Variants in BIRC2 observed in about 807,000 individuals in gnomAD.
The protein encoded by BIRC2 is baculoviral IAP repeat-containing protein 2.
In BIRC2, 18 loss-of-function variants were observed where a neutral mutation model predicts 60.9. That is an observed-to-expected ratio of 0.30 (90% CI 0.20 to 0.44). The LOEUF (loss-of-function observed/expected upper bound fraction) is 0.44, where lower values mean the gene tolerates loss of function less well. BIRC2 is among the 20% of genes least tolerant of loss of function. The pLI is 1.00. For missense variants in BIRC2, 701 were observed against 728.5 expected, an observed-to-expected ratio of 0.96 and a Z score of 0.43; for synonymous variants, 282 against 247.7, an observed-to-expected ratio of 1.14 and a Z score of -1.30.
chr11:102,375,442 A>G (rs1335692206), intron 6 of BIRC2, among the ~76,000 whole-genome samples: 1 of 152,162 alleles, frequency 6.6e-6, no homozygotes, highest in Non-Finnish European at 1.5e-5. Context: ...GTGTAGCAAA[A>G]TATTTAAAGT....
intron 3 of BIRC2, among the ~76,000 whole-genome samples, chr11:102,351,989 G>A (rs1240383231): frequency 4.0e-5 from 6 of 151,834 alleles, no homozygotes; most frequent in Admixed American, 1.3e-4. Context: ...CGATTATACC[G>A]CTATCCATCT....
rs759513163 is a variant in BIRC2 at position 102,377,868 on chromosome 11, A to T, written c.1633A>T (p.Met545Leu). 6.2e-7 allele frequency: 1 copy of T among 1,610,798 alleles called. No individual in the cohort carries two copies. The highest frequency in any genetic ancestry group is 1.1e-5 in the South Asian group (1 of 90,012). Reference sequence around the variant, plus strand: ...TTTTCTTTCCTCAGTGGATAAGAATATGAAGTATATTCCAACAGAAGATGT... The same window carrying T: ...TTTTCTTTCCTCAGTGGATAAGAATTTGAAGTATATTCCAACAGAAGATGT... ...LYKNLFVDKN[M>L]KYIPTEDVSG... is the part of the protein sequence containing the mutation. The change falls in exon 8 of 9, where the codon ATG becomes TTG. Residue 545 changes from methionine to leucine, a missense_variant. This residue lies in a region of BIRC2 where 235 missense variants were observed against 208.9 expected (regional missense o/e 1.12). Coordinates refer to ENST00000227758, the MANE Select transcript of BIRC2 (RefSeq NM_001166.5).
chr11:102,357,076 A>G (rs1488180619), intron 3 of BIRC2, among the ~76,000 whole-genome samples: 1 of 152,142 alleles, frequency 6.6e-6, no homozygotes, highest in Non-Finnish European at 1.5e-5. Flanking sequence ...CACTTGATAT[A>G]TGATTCTTCT....
chr11:102,354,954 T>G (rs978663341), intron 3 of BIRC2, among the ~76,000 whole-genome samples: 3 of 150,898 alleles, frequency 2.0e-5, no homozygotes, highest in Non-Finnish European at 3.0e-5. Context: ...GTTTTTTTTT[T>G]TTTTTTTTTT....
In BIRC2 at chr11:102,349,941, A is replaced by G; in HGVS notation, c.87A>G (p.Ser29=). ...KSIMEDSTIL[S]DWTNSNKQKM... Reference sequence around the variant, plus strand: ...TAATGGAAGATAGCACGATCTTGTCAGATTGGACAAACAGCAACAAACAAA... The same window carrying G: ...TAATGGAAGATAGCACGATCTTGTCGGATTGGACAAACAGCAACAAACAAA... The change falls in exon 2 of 9, where the codon TCA becomes TCG. Residue 29 remains serine, a synonymous_variant. Transcript: ENST00000227758. 6.2e-7 allele frequency: 1 copy of G among 1,614,212 alleles called. No individual in the cohort carries two copies. Among genetic ancestry groups the G allele is most frequent in the Non-Finnish European group, 8.5e-7 (1 of 1,180,036 alleles).
chr11:102,355,533 TAGGA>T (rs1951410684), intron 3 of BIRC2, among the ~76,000 whole-genome samples: 1 of 152,176 alleles, frequency 6.6e-6, no homozygotes. Context: ...AGCTTGAAAT[TAGGA>T]AGTATGATGC....
Position 102,362,945 on chromosome 11 carries a change from C to A in BIRC2, c.1045C>A (p.Gln349Lys). Residue 349 changes from glutamine to lysine, a missense_variant, in exon 4 of 9, where the codon CAA becomes AAA. Physicochemically the swap from Gln to Lys is moderately conservative, Grantham distance 53 (BLOSUM62 1). Transcript: ENST00000227758. ...AGGCCAAGAGTTTGTTGATGAGATT[C>A]AAGGTAGATATCCTCATCTTCTTGA... is the stretch of plus-strand genomic sequence containing the variant. ...MKGQEFVDEI[Q>K]GRYPHLLEQL... 6.2e-7 allele frequency: 1 copy of A among 1,612,540 alleles called. No homozygotes were observed.
intron 6 of BIRC2, among the ~76,000 whole-genome samples, chr11:102,373,034 A>G (rs1325681608): frequency 5.3e-5 from 8 of 150,856 alleles, no homozygotes; most frequent in Non-Finnish European, 1.0e-4. Context: ...ATCTTCCTCC[A>G]TCCTTTTATT....
intron 3 of BIRC2, among the ~76,000 whole-genome samples, chr11:102,354,232 T>C (rs1951394980): frequency 6.6e-6 from 1 of 152,188 alleles, no homozygotes; most frequent in African/African-American, 2.4e-5. Flanking sequence ...TATTTTGAGA[T>C]GGAGTCTCAC....
intron 3 of BIRC2, among the ~76,000 whole-genome samples, chr11:102,356,079 CCTTTTT>C (rs1275669391): frequency 3.9e-5 from 6 of 151,938 alleles, no homozygotes; most frequent in African/African-American, 7.3e-5. Flanking sequence ...GATTTGGATG[CCTTTTT>C]CTTTTTCTTG....
chr11:102,363,844 G>A (rs1951513617), intron 5 of BIRC2, 128 bp downstream of exon 5: 3 of 611,286 alleles, frequency 4.9e-6, no homozygotes, highest in South Asian at 4.5e-5. Flanking sequence ...ATCACCTGAG[G>A]TCAGGAGTTC....
intron 3 of BIRC2, among the ~76,000 whole-genome samples, chr11:102,354,857 C>G (rs1951402538): frequency 6.6e-6 from 1 of 150,468 alleles, no homozygotes; most frequent in African/African-American, 2.4e-5. Flanking sequence ...CATTGAACAC[C>G]TTTTCATGTA....
At chr11:102,375,300 A>G (rs1169817812) in intron 6 of BIRC2, among the ~76,000 whole-genome samples, 2 of 152,196 alleles carry the variant, frequency 1.3e-5, no homozygotes, top group Admixed American at 1.3e-4. Flanking sequence ...ACTAGTGTGC[A>G]AAAGACAGGG....
At chr11:102,366,876 A>C (rs1183117481) in intron 5 of BIRC2, among the ~76,000 whole-genome samples, 1 of 152,204 alleles carries the variant, frequency 6.6e-6, no homozygotes, top group Non-Finnish European at 1.5e-5. Flanking sequence ...ATAAACTCTT[A>C]GGAAGCCTCT....
rs567919195 is a variant in BIRC2, at chr11:102,377,840, A to G, written c.1622-17A>G. On this transcript the variant is annotated splice_polypyrimidine_tract_variant and intron_variant, in intron 7 of 8. Transcript: ENST00000227758. ...TGTATTTAGTAGAGTAATGGTTTTT[A>G]TGTTTTCTTTCCTCAGTGGATAAGA... The G allele has an allele frequency of 1.3e-5, 21 of 1,600,918 alleles. 1 individual carries two copies. In the East Asian group the frequency reaches 1.6e-4, roughly 12 times the overall value.
intron 3 of BIRC2, among the ~76,000 whole-genome samples, chr11:102,358,950 A>T (rs1025280456): frequency 6.6e-6 from 1 of 152,172 alleles, no homozygotes; most frequent in Non-Finnish European, 1.5e-5. Flanking sequence ...AATTTGGCCC[A>T]TTTACATTCA....
chr11:102,373,344 C>G (rs1006370585), intron 6 of BIRC2, among the ~76,000 whole-genome samples: 6 of 152,180 alleles, frequency 3.9e-5, no homozygotes, highest in Non-Finnish European at 8.8e-5. Flanking sequence ...CCTTCCGGAG[C>G]TCTTTTAGGG....
At chr11:102,357,393 A>G (rs186779468) in intron 3 of BIRC2, among the ~76,000 whole-genome samples, 1 of 150,780 alleles carries the variant, frequency 6.6e-6, no homozygotes, top group Admixed American at 6.6e-5. Flanking sequence ...TCTTCTTGAT[A>G]GAACTGTGCT....
At position 102,378,197 on chromosome 11, in the gene BIRC2, A is replaced by G. The variant is rs758152346; in HGVS notation, c.*14A>G. ...TTTCTCTCTTAAAGAAAAATAGTCT[A>G]TATTTTAACCTGCATAAAAAGGTCT... On this transcript the variant is annotated 3_prime_UTR_variant, in exon 9 of 9. Transcript: ENST00000227758. 7.7e-6 allele frequency: 12 copies of G among 1,562,366 alleles called. No homozygotes were observed. The highest frequency in any genetic ancestry group is 1.2e-5 in the South Asian group (1 of 83,340).
Sources: allele counts gnomAD v4.1 joint callset (sites outside exome capture counted in the v4.1 genomes callset), GRCh38; gene constraint gnomAD v4.1.1; regional missense constraint gnomAD v4.1.1; transcripts MANE v1.5; gene names NCBI Gene and HGNC (gene_info 2026-07-23, HGNC 2026-07-21).